The following FRYL variants were observed in gnomAD, a reference collection of about 807,000 sequenced individuals.
The protein encoded by FRYL is protein furry homolog-like.
In FRYL, 150 loss-of-function variants were observed where a neutral mutation model predicts 351.2. The ratio of observed to expected loss-of-function variants is 0.43; its 90% CI spans 0.37 to 0.49. FRYL has a LOEUF of 0.49. Among genes scored for constraint, FRYL ranks in the 20% least tolerant of loss-of-function variants. The pLI, the probability that FRYL is intolerant of heterozygous loss-of-function variation, is 0.00. For missense variants in FRYL, 3,036 were observed against 3,619.3 expected (o/e 0.84, Z 4.13); for synonymous variants, 1,153 against 1,257.1 (o/e 0.92, Z 1.75).
chr4:48,742,828 T>C (rs1403290263), intron 1 of FRYL, among the ~76,000 whole-genome samples: 6 of 152,024 alleles, frequency 3.9e-5, no homozygotes, highest in Non-Finnish European at 8.8e-5. Flanking sequence ...TTTTTTTGTT[T>C]TTTGTTTTTT....
At chr4:48,527,837 A>G (rs1726600994) in intron 52 of FRYL, 134 bp downstream of exon 52, 5 of 967,900 alleles carry the variant, frequency 5.2e-6, no homozygotes, top group Non-Finnish European at 7.7e-6. Context: ...CACAAGAGAT[A>G]AGAAATCTTT....
At chr4:48,711,865 C>A (rs13128989) in intron 1 of FRYL, among the ~76,000 whole-genome samples, 148,352 of 152,216 alleles carry the variant, frequency 0.97, 72,410 homozygotes, top group East Asian at 1. Context: ...TCCTCTGAGA[C>A]AAAACTTCCA....
At chr4:48,765,771 A>C (rs1003942529) in intron 1 of FRYL, among the ~76,000 whole-genome samples, 4 of 152,228 alleles carry the variant, frequency 2.6e-5, no homozygotes. Flanking sequence ...TTCAGAATAT[A>C]TAAGGAATTC....
chr4:48,543,557 G>A (rs1333036629), intron 44 of FRYL, among the ~76,000 whole-genome samples: 1 of 152,062 alleles, frequency 6.6e-6, no homozygotes, highest in African/African-American at 2.4e-5. Context: ...AAGATCTTGG[G>A]GGTGGGGTGT....
intron 3 of FRYL, among the ~76,000 whole-genome samples, chr4:48,662,006 G>C (rs904543666): frequency 2.6e-5 from 4 of 152,172 alleles, no homozygotes; most frequent in Non-Finnish European, 5.9e-5. Context: ...AATGGATATA[G>C]AAACTCTCCA....
chr4:48,510,873 A>G lies in FRYL; in HGVS notation c.8257T>C (p.Cys2753Arg). Residue 2753 changes from cysteine (C) to arginine (R), a missense_variant, in exon 58 of 64, where the codon TGT becomes CGT. By Grantham distance (180) the Cys-to-Arg change is radical. This residue lies in a region of FRYL where 1,987 missense variants were observed against 2,311.7 expected (regional missense o/e 0.86). Transcript: ENST00000358350. ...FKSSLEVMMLCSECPTVFVDA... is the reference protein window; with the variant it reads ...FKSSLEVMMLRSECPTVFVDA... ...ACAAAGACTGTTGGGCATTCTGAAC[A>G]CAGCATCATCACTTCCAAGGAACTT... The G allele has an allele frequency of 3.1e-6, 5 of 1,613,448 alleles. 1 individual carries two copies. Among genetic ancestry groups the G allele is most frequent in the Middle Eastern group, 1.7e-4 (1 of 6,058 alleles).
Position 48,497,543 on chromosome 4 carries a change from CT to C in FRYL, c.*1878del, listed in dbSNP as rs1718702621. On this transcript the variant is annotated 3_prime_UTR_variant, in exon 64 of 64. Coordinates refer to ENST00000358350, the MANE Select transcript of FRYL (RefSeq NM_015030.2). Reference sequence around the variant, plus strand: ...ATGATGCACACTGTAATCATTCATTCTTTGTTAAAATACAACACAAACCAAC... The same window carrying C: ...ATGATGCACACTGTAATCATTCATTCTTGTTAAAATACAACACAAACCAAC... 6.6e-6 allele frequency: 1 copy of C among 152,494 alleles called. No homozygotes were observed. Among genetic ancestry groups the C allele is most frequent in the South Asian group, 2.1e-4 (1 of 4,816 alleles). 9.4% of individuals were successfully genotyped at this position (152,494 alleles called of 1,614,324 possible).
At position 48,499,163 on chromosome 4, in the gene FRYL, CCTTTT is replaced by C. The variant is rs371155691; in HGVS notation, c.*254_*258del. 9.7e-3 allele frequency: 3,829 copies of C among 396,456 alleles called. 44 individuals are homozygous for C. Among genetic ancestry groups the C allele is most frequent in the South Asian group, 0.024 (822 of 34,552 alleles). The allele number at this position is 396,456 out of a possible 1,614,324, so 24.6% of individuals were successfully genotyped here. A position where few individuals can be genotyped will look rare whatever the true frequency, so the allele number is the denominator to read the frequency against. On this transcript the variant is annotated 3_prime_UTR_variant, in exon 64 of 64. Transcript: ENST00000358350. ...TGTATTTGTAGGCATCACTTTTAGC[CCTTTT>C]CTTTTCACGTAGGTTAAGTAATTAA... is the stretch of plus-strand genomic sequence containing the variant.
intron 1 of FRYL, among the ~76,000 whole-genome samples, chr4:48,729,162 T>G (rs1425915496): frequency 7.9e-5 from 12 of 152,230 alleles, no homozygotes; most frequent in Admixed American, 2.6e-4. Context: ...GGGAGTTTGC[T>G]GAGGTGCATC....
intron 1 of FRYL, among the ~76,000 whole-genome samples, chr4:48,743,223 A>G (rs1772313822): frequency 6.6e-6 from 1 of 152,122 alleles, no homozygotes; most frequent in Non-Finnish European, 1.5e-5. Context: ...CACTGAATTT[A>G]CAAGCCTTTC....
intron 4 of FRYL, among the ~76,000 whole-genome samples, chr4:48,632,091 AATATATATATATATATATATATATAT>A (rs1560753223): frequency 1.7e-4 from 4 of 23,396 alleles, no homozygotes; most frequent in Non-Finnish European, 3.8e-4. Flanking sequence ...AAAAAAAAAA[AATATATATATATATATATATATATAT>A]ATATATATAT....
At chr4:48,756,227 T>G (rs1280063568) in intron 1 of FRYL, among the ~76,000 whole-genome samples, 3 of 149,276 alleles carry the variant, frequency 2.0e-5, no homozygotes, top group Non-Finnish European at 4.4e-5. Context: ...AGCAAGACTT[T>G]GTCTCAAAAA....
At position 48,534,635 on chromosome 4, in the gene FRYL, A is replaced by C; in HGVS notation, c.6615T>G (p.Ile2205Met). Residue 2205 changes from isoleucine (I) to methionine (M), a missense_variant, in exon 49 of 64, where the codon ATT (isoleucine) becomes ATG (methionine). Transcript: ENST00000358350. ...SSMQQSLLQI[I>M]YSLLSHIDLS... ...GGTCAATATGACTCAATAGACTATA[A>C]ATAATCTGTAGTAATGATTGCTGCA... 1.3e-6 allele frequency: 2 copies of C among 1,591,908 alleles called. No homozygotes were observed. Among genetic ancestry groups the C allele is most frequent in the Non-Finnish European group, 1.7e-6 (2 of 1,160,108 alleles).
intron 53 of FRYL, among the ~76,000 whole-genome samples, chr4:48,526,277 T>C (rs1265620166): frequency 6.6e-6 from 1 of 152,188 alleles, no homozygotes; most frequent in African/African-American, 2.4e-5. Flanking sequence ...CAGATATTTG[T>C]AGCAATTTCA....
rs1366188441 is a variant in FRYL at position 48,571,810 on chromosome 4, C to A, written c.2905-892G>T. ...TTTGGTTGGCCTGTTTTCATTTTGTCTTCACAGAAACAGTGTGAGTCTAAA... is the reference window on the plus strand; with the variant it reads ...TTTGGTTGGCCTGTTTTCATTTTGTATTCACAGAAACAGTGTGAGTCTAAA... On this transcript the variant is annotated intron_variant, in intron 26 of 63. Coordinates refer to ENST00000358350, the MANE Select transcript of FRYL (RefSeq NM_015030.2). The A allele has an allele frequency of 6.1e-6, 6 of 984,148 alleles. No homozygotes were observed. The African/African-American group carries it at 1.0e-4, about 17-fold the overall frequency. The allele number at this position is 984,148 out of a possible 1,614,324, so 61.0% of individuals were successfully genotyped here. A position where few individuals can be genotyped will look rare whatever the true frequency, so the allele number is the denominator to read the frequency against.
At chr4:48,551,644 G>T (rs1489094233) in intron 36 of FRYL, 66 bp from the exon 37 acceptor site, 4 of 970,374 alleles carry the variant, frequency 4.1e-6, no homozygotes, top group East Asian at 2.4e-5. Context: ...AAGAACAAAA[G>T]ATCTCAAATT....
At chr4:48,743,033 G>A (rs1474938143) in intron 1 of FRYL, among the ~76,000 whole-genome samples, 1 of 136,798 alleles carries the variant, frequency 7.3e-6, no homozygotes, top group African/African-American at 2.7e-5. Flanking sequence ...CGATCAGGCT[G>A]GTCTTGAACT....
intron 2 of FRYL, among the ~76,000 whole-genome samples, chr4:48,703,228 C>G (rs1185392932): frequency 6.6e-6 from 1 of 152,080 alleles, no homozygotes; most frequent in Non-Finnish European, 1.5e-5. Context: ...GGAATAGGGA[C>G]TAAGACAGTA....
At chr4:48,743,112 C>T (rs1242289682) in intron 1 of FRYL, among the ~76,000 whole-genome samples, 1 of 151,736 alleles carries the variant, frequency 6.6e-6, no homozygotes, top group East Asian at 1.9e-4. Flanking sequence ...AGCCACCACA[C>T]TCAGACAATC....
Sources: allele counts gnomAD v4.1 joint callset (sites outside exome capture counted in the v4.1 genomes callset), GRCh38; gene constraint gnomAD v4.1.1; regional missense constraint gnomAD v4.1.1; transcripts MANE v1.5; gene names NCBI Gene and HGNC (gene_info 2026-07-23, HGNC 2026-07-21).